The following SNTG1 variants were observed in gnomAD, a reference collection of about 807,000 sequenced individuals.
The protein encoded by SNTG1 is gamma-1-syntrophin.
SNTG1 carries 39 observed loss-of-function variants against 74.7 expected under a neutral mutation model. The observed-to-expected ratio is 0.52, with a 90% CI of 0.40 to 0.68. The LOEUF (loss-of-function observed/expected upper bound fraction) is 0.68. SNTG1 is among the 30% of genes least tolerant of loss of function. The pLI is 0.00. For missense variants in SNTG1, 685 were observed against 609.5 expected (o/e 1.12, Z -1.30); for synonymous variants, 254 against 217.1 (o/e 1.17, Z -1.49).
intron 13 of SNTG1, among the ~76,000 whole-genome samples, chr8:50,609,052 T>C (rs568079903): frequency 4.0e-4 from 61 of 152,176 alleles, no homozygotes; most frequent in African/African-American, 1.3e-3. Context: ...AGTCCAGGAT[T>C]ATTCATGTTT....
At chr8:50,256,901 A>G (rs1338939352) in intron 2 of SNTG1, among the ~76,000 whole-genome samples, 1 of 152,126 alleles carries the variant, frequency 6.6e-6, no homozygotes, top group Non-Finnish European at 1.5e-5. Context: ...CAGAATAACA[A>G]TAATCTGTGA....
chr8:50,715,444 C>A (rs975669347), intron 17 of SNTG1, among the ~76,000 whole-genome samples: 3 of 152,012 alleles, frequency 2.0e-5, no homozygotes, highest in African/African-American at 7.2e-5. Context: ...TTCTTTACTT[C>A]AATTTATTTA....
At chr8:50,684,193 C>T (rs1402970005) in intron 15 of SNTG1, among the ~76,000 whole-genome samples, 1 of 152,160 alleles carries the variant, frequency 6.6e-6, no homozygotes, top group Non-Finnish European at 1.5e-5. Flanking sequence ...TTCCCCCTCA[C>T]TGGATAGCTA....
intron 13 of SNTG1, 70 bp downstream of exon 13, chr8:50,590,987 G>T: frequency 1.8e-6 from 2 of 1,091,506 alleles, no homozygotes; most frequent in Non-Finnish European, 1.3e-6. Context: ...AGAAGATAAC[G>T]TTACCTGATT....
intron 17 of SNTG1, 200 bp downstream of exon 17, chr8:50,709,178 A>G: frequency 1.8e-6 from 1 of 547,366 alleles, no homozygotes; most frequent in Admixed American, 3.2e-5. Flanking sequence ...TAGTACCACA[A>G]AACTATAACT....
At chr8:50,555,352 A>C (rs1265620897) in intron 12 of SNTG1, among the ~76,000 whole-genome samples, 1 of 152,234 alleles carries the variant, frequency 6.6e-6, no homozygotes, top group Non-Finnish European at 1.5e-5. Flanking sequence ...TCTGATATGG[A>C]AAGTACTACA....
At chr8:50,084,180 G>A (rs773075885) in intron 1 of SNTG1, among the ~76,000 whole-genome samples, 15 of 152,156 alleles carry the variant, frequency 9.9e-5, no homozygotes, top group Non-Finnish European at 1.9e-4. Flanking sequence ...CTGTAAAACT[G>A]GCCAGGCGCA....
intron 1 of SNTG1, among the ~76,000 whole-genome samples, chr8:50,090,170 A>C (rs928346591): frequency 5.3e-5 from 8 of 152,162 alleles, no homozygotes; most frequent in African/African-American, 1.7e-4. Context: ...AAAATCTTTG[A>C]GCAAAGTTTC....
chr8:50,398,653 G>A (rs1232131064), intron 3 of SNTG1, among the ~76,000 whole-genome samples: 1 of 152,130 alleles, frequency 6.6e-6, no homozygotes. Context: ...GAGGCCGAGC[G>A]CGGTGGCTCA....
intron 2 of SNTG1, among the ~76,000 whole-genome samples, chr8:50,265,375 CG>C (rs1237680551): frequency 1.3e-5 from 2 of 151,868 alleles, no homozygotes; most frequent in African/African-American, 4.8e-5. Context: ...TGGAAACCAC[CG>C]GATTTTCTTA....
intron 13 of SNTG1, among the ~76,000 whole-genome samples, chr8:50,641,150 T>G (rs1387820940): frequency 6.6e-6 from 1 of 152,174 alleles, no homozygotes; most frequent in African/African-American, 2.4e-5. Flanking sequence ...CATCCCACAT[T>G]AAATTCATGA....
At chr8:50,513,807 A>C (rs1284970177) in intron 9 of SNTG1, among the ~76,000 whole-genome samples, 4 of 152,198 alleles carry the variant, frequency 2.6e-5, no homozygotes, top group African/African-American at 7.2e-5. Flanking sequence ...TCCAGATGCT[A>C]TCTGTCACCC....
intron 1 of SNTG1, among the ~76,000 whole-genome samples, chr8:50,126,981 G>A (rs1169972710): frequency 6.6e-6 from 1 of 152,046 alleles, no homozygotes; most frequent in African/African-American, 2.4e-5. Context: ...TTATATCTGG[G>A]GTCATGGAAG....
intron 9 of SNTG1, among the ~76,000 whole-genome samples, chr8:50,516,132 C>T (rs182645157): frequency 1.3e-4 from 20 of 152,272 alleles, no homozygotes; most frequent in East Asian, 3.9e-4. Context: ...CTGCAGACTC[C>T]GCTGGTGATA....
In SNTG1 at chr8:50,703,958, C is replaced by CT. The variant is rs1355704356; in HGVS notation, c.1039-634dup. On this transcript the variant is annotated intron_variant, in intron 15 of 18. Transcript: ENST00000642720. ...TCTGTTTCATAAATTATTTGCTTCA[C>CT]TTTTTTTTCTCATGTTAATGTCTCT... is the stretch of plus-strand genomic sequence containing the variant. 2.6e-5 allele frequency among the ~76,000 whole-genome samples: 4 copies of CT among 152,066 alleles called. No homozygotes were observed. In the East Asian group the frequency reaches 5.8e-4, roughly 22 times the overall value.
intron 15 of SNTG1, among the ~76,000 whole-genome samples, chr8:50,663,841 G>A (rs938647186): frequency 1.3e-5 from 2 of 152,044 alleles, no homozygotes; most frequent in Admixed American, 6.6e-5. Flanking sequence ...AACTCTCTCA[G>A]CATTGCAAAT....
intron 15 of SNTG1, among the ~76,000 whole-genome samples, chr8:50,667,572 G>A (rs2095256686): frequency 6.6e-6 from 1 of 151,788 alleles, no homozygotes; most frequent in African/African-American, 2.4e-5. Flanking sequence ...CCCATCACGG[G>A]GCCCCATCCT....
At chr8:50,606,697 C>T (rs1453079626) in intron 13 of SNTG1, among the ~76,000 whole-genome samples, 2 of 151,836 alleles carry the variant, frequency 1.3e-5, no homozygotes, top group Non-Finnish European at 2.9e-5. Flanking sequence ...ATGTTAATAG[C>T]TAGATGTTTT....
chr8:50,680,519 T>C (rs776704341), intron 15 of SNTG1, among the ~76,000 whole-genome samples: 7 of 152,160 alleles, frequency 4.6e-5, no homozygotes, highest in Non-Finnish European at 1.0e-4. Flanking sequence ...GTAGGCATCA[T>C]TTTCAGATTC....
Sources: allele counts gnomAD v4.1 joint callset (sites outside exome capture counted in the v4.1 genomes callset), GRCh38; gene constraint gnomAD v4.1.1; transcripts MANE v1.5; gene names NCBI Gene and HGNC (gene_info 2026-07-23, HGNC 2026-07-21).